Variants in SCHIP1 observed in about 807,000 individuals in gnomAD.
SCHIP1 encodes schwannomin-interacting protein 1.
A neutral mutation model predicts 29.7 loss-of-function variants in SCHIP1; 8 were observed. The ratio of observed to expected loss-of-function variants is 0.27; its 90% CI spans 0.16 to 0.49. The LOEUF (loss-of-function observed/expected upper bound fraction) is 0.49, where lower values mean the gene tolerates loss of function less well. SCHIP1 is among the 20% of genes least tolerant of loss of function. The probability of loss-of-function intolerance (pLI) is 0.99; values close to 1 mark genes in which losing one functional copy is unlikely to be tolerated. For missense variants in SCHIP1, 193 were observed against 294.6 expected, an observed-to-expected ratio of 0.66 and a Z score of 2.52; for synonymous variants, 76 against 94.9, an observed-to-expected ratio of 0.80 and a Z score of 1.16.
chr3:159,427,631 A>G, the SCHIP1 span, among the ~76,000 whole-genome samples: 1 of 150,470 alleles, frequency 6.6e-6, no homozygotes, highest in African/African-American at 2.4e-5. Flanking sequence ...AAGGTAATTT[A>G]TAGATTCAAT....
At chr3:159,377,552 A>C in the SCHIP1 span, among the ~76,000 whole-genome samples, 1 of 152,188 alleles carries the variant, frequency 6.6e-6, no homozygotes, top group East Asian at 1.9e-4. Flanking sequence ...TCAGTCGTCT[A>C]CTTTTGGTTA....
At chr3:159,634,827 A>G in the SCHIP1 span, among the ~76,000 whole-genome samples, 2 of 152,150 alleles carry the variant, frequency 1.3e-5, no homozygotes, top group African/African-American at 4.8e-5. Flanking sequence ...TTGATTTCTT[A>G]TATTTTGCAG....
chr3:159,849,845 A>G (rs1397675271), intron 1 of SCHIP1, among the ~76,000 whole-genome samples: 1 of 152,252 alleles, frequency 6.6e-6, no homozygotes, highest in Non-Finnish European at 1.5e-5. Context: ...TACTGTGGAC[A>G]GCATTTAGAG....
chr3:159,821,098 G>A, the SCHIP1 span, among the ~76,000 whole-genome samples: 1 of 152,220 alleles, frequency 6.6e-6, no homozygotes, highest in Non-Finnish European at 1.5e-5. Context: ...CAAAGGAGAA[G>A]CCTTTAATGA....
the SCHIP1 span, among the ~76,000 whole-genome samples, chr3:159,315,017 A>G: frequency 3.9e-5 from 6 of 152,188 alleles, no homozygotes; most frequent in Non-Finnish European, 8.8e-5. Context: ...GCATGTACAT[A>G]TAGCCAAGAA....
the SCHIP1 span, among the ~76,000 whole-genome samples, chr3:159,352,378 T>C: frequency 2.0e-5 from 3 of 152,246 alleles, no homozygotes; most frequent in Non-Finnish European, 4.4e-5. Flanking sequence ...TAACTTCTTA[T>C]TTTGACATAA....
At chr3:159,306,509 A>C in the SCHIP1 span, 1 of 331,828 alleles carries the variant, frequency 3.0e-6, no homozygotes, top group Non-Finnish European at 4.3e-6. Context: ...GAAGAAACTG[A>C]GAGATTAACT....
chr3:159,310,304 G>A, the SCHIP1 span, among the ~76,000 whole-genome samples: 2,324 of 152,294 alleles, frequency 0.015, 57 homozygotes, highest in African/African-American at 0.053. Flanking sequence ...GACATTTGCT[G>A]CTGTGTCTAG....
chr3:159,557,373 A>G, the SCHIP1 span, among the ~76,000 whole-genome samples: 1 of 152,162 alleles, frequency 6.6e-6, no homozygotes, highest in Non-Finnish European at 1.5e-5. Flanking sequence ...GACTCCTACT[A>G]TGTCTTTTCA....
the SCHIP1 span, among the ~76,000 whole-genome samples, chr3:159,344,458 G>T: frequency 6.6e-6 from 1 of 152,188 alleles, no homozygotes; most frequent in South Asian, 2.1e-4. Flanking sequence ...AAACAGCAAT[G>T]AGTCATATTG....
At chr3:159,886,219 G>A in exon 3 of SCHIP1, 3 of 1,614,172 alleles carry the variant, frequency 1.9e-6, no homozygotes, top group Non-Finnish European at 1.7e-6. Context: ...TGCAGAGTGG[G>A]ATGAACTTGC....
At chr3:159,416,200 C>A in the SCHIP1 span, among the ~76,000 whole-genome samples, 2 of 152,312 alleles carry the variant, frequency 1.3e-5, no homozygotes, top group African/African-American at 4.8e-5. Context: ...TTTCCAAAAT[C>A]TTCACAAAGC....
the SCHIP1 span, among the ~76,000 whole-genome samples, chr3:159,321,759 TAA>T: frequency 6.6e-6 from 1 of 152,064 alleles, no homozygotes; most frequent in Non-Finnish European, 1.5e-5. Flanking sequence ...TTAGAAAAGA[TAA>T]AGTCATCACC....
chr3:159,685,417 T>G, the SCHIP1 span, among the ~76,000 whole-genome samples: 1 of 152,248 alleles, frequency 6.6e-6, no homozygotes, highest in East Asian at 1.9e-4. Flanking sequence ...TTTCTGTAAC[T>G]GCTTCCTGCC....
At chr3:159,588,440 C>A in the SCHIP1 span, among the ~76,000 whole-genome samples, 1 of 152,142 alleles carries the variant, frequency 6.6e-6, no homozygotes, top group Non-Finnish European at 1.5e-5. Context: ...ATGGTAGTTT[C>A]TTTTGCTGTG....
At chr3:159,292,360 G>A in the SCHIP1 span, among the ~76,000 whole-genome samples, 27 of 152,270 alleles carry the variant, frequency 1.8e-4, no homozygotes, top group African/African-American at 6.3e-4. Context: ...AGAGAAATAA[G>A]AATGTTGAAT....
chr3:159,755,302 A>T, the SCHIP1 span, among the ~76,000 whole-genome samples: 1 of 152,210 alleles, frequency 6.6e-6, no homozygotes, highest in Non-Finnish European at 1.5e-5. Flanking sequence ...ATACCTCGCA[A>T]TCATGGCAGC....
chr3:159,846,274 T>C (rs1340440158), intron 1 of SCHIP1, among the ~76,000 whole-genome samples: 3 of 152,198 alleles, frequency 2.0e-5, no homozygotes, highest in African/African-American at 7.2e-5. Flanking sequence ...AATTGAGGTA[T>C]CATACCCAGC....
At chr3:159,517,267 A>G in the SCHIP1 span, among the ~76,000 whole-genome samples, 1 of 152,160 alleles carries the variant, frequency 6.6e-6, no homozygotes, top group African/African-American at 2.4e-5. Context: ...TTGTCAGACA[A>G]AAGTTTGGTA....
Sources: allele counts gnomAD v4.1 joint callset (sites outside exome capture counted in the v4.1 genomes callset), GRCh38; gene constraint gnomAD v4.1.1; transcripts MANE v1.5; gene names NCBI Gene and HGNC (gene_info 2026-07-23, HGNC 2026-07-21).